SLC4A8: variants seen among roughly 807,000 people sequenced by gnomAD.
SLC4A8 encodes solute carrier family 4 member 8.
A neutral mutation model predicts 125.0 loss-of-function variants in SLC4A8; 40 were observed. The observed-to-expected ratio is 0.32, with a 90% CI of 0.25 to 0.42. SLC4A8 has a LOEUF of 0.42. Ranked by LOEUF, SLC4A8 falls within the 10% of genes least tolerant of loss-of-function variation. SLC4A8 has a pLI of 1.00. For synonymous variants in SLC4A8, 456 were observed against 476.0 expected, an observed-to-expected ratio of 0.96 and a Z score of 0.55; for missense variants, 863 against 1,355.1, an observed-to-expected ratio of 0.64 and a Z score of 5.70.
chr12:51,454,541 A>C (rs1238720567), intron 5 of SLC4A8, among the ~76,000 whole-genome samples: 1 of 122,100 alleles, frequency 8.2e-6, no homozygotes, highest in Non-Finnish European at 1.7e-5. Flanking sequence ...CAGCAGACAA[A>C]CACGTGAACA....
chr12:51,455,519 AGTAAGAT>A (rs1443549136), intron 5 of SLC4A8, among the ~76,000 whole-genome samples: 1 of 152,172 alleles, frequency 6.6e-6, no homozygotes, highest in Non-Finnish European at 1.5e-5. Context: ...CTACCTCTTC[AGTAAGAT>A]GTGAAGGGGA....
intron 1 of SLC4A8, among the ~76,000 whole-genome samples, chr12:51,439,490 A>G (rs1459909724): frequency 6.6e-6 from 1 of 151,998 alleles, no homozygotes; most frequent in Non-Finnish European, 1.5e-5. Context: ...GATCAAAGAG[A>G]TCATCATCTC....
chr12:51,411,307 G>T (rs559885956), intron 1 of SLC4A8, among the ~76,000 whole-genome samples: 52 of 151,538 alleles, frequency 3.4e-4, no homozygotes, highest in Non-Finnish European at 6.2e-4. Context: ...CTTTCTTTAG[G>T]CTGGGTGCAG....
At chr12:51,468,141 C>T (rs1002007090) in intron 11 of SLC4A8, among the ~76,000 whole-genome samples, 3 of 152,116 alleles carry the variant, frequency 2.0e-5, no homozygotes, top group Admixed American at 6.6e-5. Context: ...TTGTTATTCA[C>T]CTGACAGCCC....
rs1950274072 is a variant in SLC4A8, at chr12:51,460,038, A to T, written c.943A>T (p.Ile315Phe). The T allele has an allele frequency of 6.2e-7, 1 of 1,613,746 alleles. No individual in the cohort carries two copies. The highest frequency in any genetic ancestry group is 8.5e-7 in the Non-Finnish European group (1 of 1,179,644). Residue 315 changes from isoleucine to phenylalanine, a missense_variant, in exon 8 of 25, where the codon ATT (isoleucine) becomes TTT (phenylalanine). By Grantham distance (21) the Ile-to-Phe change is conservative. This residue lies in a region of SLC4A8 where 390 missense variants were observed against 634.4 expected (regional missense o/e 0.61). Coordinates refer to ENST00000453097, the MANE Select transcript of SLC4A8 (RefSeq NM_001039960.3). ...AGAGGTGGATATTTTGGACCGTCCC[A>T]TTGTTGCCTTTGTGAGGCTGTCTCC... ...VGEVDILDRP[I>F]VAFVRLSPAV...
At position 51,475,123 on chromosome 12, in the gene SLC4A8, T is replaced by G. The variant is rs776740682; in HGVS notation, c.2089T>G (p.Trp697Gly). 2.5e-6 allele frequency: 4 copies of G among 1,614,102 alleles called. No homozygotes were observed. Among genetic ancestry groups the G allele is most frequent in the Non-Finnish European group, 3.4e-6 (4 of 1,179,930 alleles). ...HGPYTPDVLFWSCILFFTTFI... is the reference protein window; with the variant it reads ...HGPYTPDVLFGSCILFFTTFI... ...ACCCTACACTCCTGATGTCCTCTTTTGGTCCTGTATTCTCTTTTTCACCAC... is the reference window on the plus strand; with the variant it reads ...ACCCTACACTCCTGATGTCCTCTTTGGGTCCTGTATTCTCTTTTTCACCAC... Residue 697 changes from tryptophan to glycine, a missense_variant, in exon 16 of 25, where the codon TGG becomes GGG. By Grantham distance (184) the Trp-to-Gly change is radical. This residue lies in a region of SLC4A8 where 197 missense variants were observed against 377.7 expected (regional missense o/e 0.52). Coordinates refer to ENST00000453097, the MANE Select transcript of SLC4A8 (RefSeq NM_001039960.3).
chr12:51,488,190 A>G (rs1951210598), intron 17 of SLC4A8, among the ~76,000 whole-genome samples: 1 of 152,258 alleles, frequency 6.6e-6, no homozygotes, highest in Non-Finnish European at 1.5e-5. Context: ...CTAGAAGCCA[A>G]TACTATGATA....
At position 51,504,114 on chromosome 12, in the gene SLC4A8, G is replaced by T; in HGVS notation, c.3167G>T (p.Ser1056Ile). 1 of 1,562,932 alleles carries T rather than the reference G, an allele frequency of 6.4e-7. No individual in the cohort carries two copies. The highest frequency in any genetic ancestry group is 8.7e-7 in the Non-Finnish European group (1 of 1,147,372). ...KLLSSPGKNI[S>I]CRCDPSEINI... ...CTAAGTAGTCCTGGAAAGAACATCA[G>T]TTGCAGGTAAAACTTCCAAACACCA... is the stretch of plus-strand genomic sequence containing the variant. Residue 1056 changes from serine to isoleucine, a missense_variant, in exon 23 of 25, where the codon AGT becomes ATT. This residue lies in a region of SLC4A8 where 92 missense variants were observed against 125.6 expected (regional missense o/e 0.73). Transcript: ENST00000453097.
At chr12:51,438,091 A>C (rs1283557238) in intron 1 of SLC4A8, among the ~76,000 whole-genome samples, 1 of 152,224 alleles carries the variant, frequency 6.6e-6, no homozygotes, top group Non-Finnish European at 1.5e-5. Context: ...TAGTGATCAG[A>C]TCAGAGTAAT....
upstream of SLC4A8, among the ~76,000 whole-genome samples, chr12:51,421,299 C>T (rs982533835): frequency 7.2e-5 from 11 of 152,194 alleles, no homozygotes; most frequent in African/African-American, 2.7e-4. Context: ...TTAGGAGCCT[C>T]GTGCTTAGAG....
chr12:51,427,343 T>G (rs1949026529), intron 1 of SLC4A8, among the ~76,000 whole-genome samples: 1 of 152,166 alleles, frequency 6.6e-6, no homozygotes. Flanking sequence ...CAGGTTATAT[T>G]ATTGAGGGCA....
In SLC4A8 at chr12:51,452,037, T is replaced by G. The variant is rs190553193; in HGVS notation, c.278-87T>G. The G allele has an allele frequency of 6.0e-5, 77 of 1,281,352 alleles. No individual in the cohort carries two copies. The African/African-American group carries it at 1.0e-3, about 17-fold the overall frequency. The allele number at this position is 1,281,352 out of a possible 1,614,324, so 79.4% of individuals were successfully genotyped here. On this transcript the variant is annotated intron_variant, in intron 3 of 24. Coordinates refer to ENST00000453097, the MANE Select transcript of SLC4A8 (RefSeq NM_001039960.3). ...CTGCATTCGTGGTTGTCTATATATA[T>G]TTCTAAAGTTGTTAGGTAAGGAAGA...
intron 1 of SLC4A8, among the ~76,000 whole-genome samples, chr12:51,412,145 G>T (rs1269053109): frequency 6.6e-6 from 1 of 150,812 alleles, no homozygotes; most frequent in Non-Finnish European, 1.5e-5. Flanking sequence ...ATTATTGAGG[G>T]TTTTTTTTTG....
intron 1 of SLC4A8, among the ~76,000 whole-genome samples, chr12:51,410,477 A>G (rs1234147165): frequency 2.0e-5 from 3 of 148,336 alleles, no homozygotes; most frequent in African/African-American, 5.0e-5. Context: ...TTTTTTTGAG[A>G]TGGAGTTTTC....
chr12:51,491,069 G>C (rs1196622115), intron 19 of SLC4A8, among the ~76,000 whole-genome samples: 1 of 151,980 alleles, frequency 6.6e-6, no homozygotes, highest in Non-Finnish European at 1.5e-5. Context: ...GAAGAAACCT[G>C]TTAGGTTTCT....
chr12:51,437,461 C>T (rs566155357), intron 1 of SLC4A8, among the ~76,000 whole-genome samples: 4 of 152,274 alleles, frequency 2.6e-5, no homozygotes, highest in South Asian at 2.1e-4. Context: ...TGAGTGAGTT[C>T]TTGCTCTGAG....
chr12:51,481,412 C>T (rs766195662), intron 16 of SLC4A8, among the ~76,000 whole-genome samples: 11 of 152,114 alleles, frequency 7.2e-5, no homozygotes, highest in Admixed American at 5.9e-4. Flanking sequence ...AAATCTGTAA[C>T]GTTTATAGAA....
intron 1 of SLC4A8, among the ~76,000 whole-genome samples, chr12:51,439,979 G>C (rs549943552): frequency 6.6e-6 from 1 of 152,202 alleles, no homozygotes; most frequent in Non-Finnish European, 1.5e-5. Flanking sequence ...AGTTGAAATT[G>C]TAAGTCTTAA....
chr12:51,419,462 T>C (rs1301381183), intron 1 of SLC4A8, among the ~76,000 whole-genome samples: 1 of 152,158 alleles, frequency 6.6e-6, no homozygotes, highest in Non-Finnish European at 1.5e-5. Flanking sequence ...AGGGTTAGGT[T>C]TGGTTAGACA....
Sources: allele counts gnomAD v4.1 joint callset (sites outside exome capture counted in the v4.1 genomes callset), GRCh38; gene constraint gnomAD v4.1.1; regional missense constraint gnomAD v4.1.1; transcripts MANE v1.5; gene names NCBI Gene and HGNC (gene_info 2026-07-23, HGNC 2026-07-21).